Variants in PODXL2 observed in about 807,000 individuals in gnomAD.
PODXL2 encodes podocalyxin like 2, also known as podocalyxin-like protein 2.
Under a neutral mutation model 53.4 loss-of-function variants are expected in PODXL2, and 17 were observed. The ratio of observed to expected loss-of-function variants is 0.32; its 90% CI spans 0.22 to 0.48. The LOEUF (loss-of-function observed/expected upper bound fraction) is 0.48, where lower values mean the gene tolerates loss of function less well. Ranked by LOEUF, PODXL2 falls within the 20% of genes least tolerant of loss-of-function variation. The pLI is 0.99. For missense variants in PODXL2, 673 were observed against 760.0 expected (o/e 0.89, Z 1.35); for synonymous variants, 311 against 306.7 (o/e 1.01, Z -0.15).
chr3:127,671,913 G>C (rs540046637), intron 7 of PODXL2, among the ~76,000 whole-genome samples: 1 of 152,344 alleles, frequency 6.6e-6, no homozygotes, highest in South Asian at 2.1e-4. Flanking sequence ...ACCAGAGGCA[G>C]GCCCTGCGTT....
At chr3:127,662,718 A>G (rs921648684) in intron 4 of PODXL2, among the ~76,000 whole-genome samples, 6 of 152,026 alleles carry the variant, frequency 3.9e-5, no homozygotes, top group African/African-American at 1.5e-4. Flanking sequence ...AGCTCTCTCT[A>G]TCGAAAAAGT....
At chr3:127,649,641 A>C (rs1430786406) in intron 2 of PODXL2, among the ~76,000 whole-genome samples, 1 of 152,254 alleles carries the variant, frequency 6.6e-6, no homozygotes, top group Non-Finnish European at 1.5e-5. Flanking sequence ...GTTGACTATC[A>C]AAAAGTAGTT....
chr3:127,630,647 C>G (rs192826193), intron 1 of PODXL2, among the ~76,000 whole-genome samples: 43 of 152,252 alleles, frequency 2.8e-4, no homozygotes, highest in South Asian at 1.5e-3. Context: ...AAAGTGGTCC[C>G]TCGCACATTC....
chr3:127,656,996 G>A lies in PODXL2; in HGVS notation c.350-3382G>A, dbSNP rs2074729053. 2.0e-5 allele frequency among the ~76,000 whole-genome samples: 3 copies of A among 151,980 alleles called. No individual in the cohort carries two copies. In the South Asian group the frequency reaches 6.2e-4, roughly 32 times the overall value. ...TTTGAGGCTGCAGTGAGCCGTGATT[G>A]CACCACTGCACTCCAGCCTGGGTGA... is the stretch of plus-strand genomic sequence containing the variant. On this transcript the variant is annotated intron_variant, in intron 2 of 7. Transcript: ENST00000342480.
In PODXL2 at chr3:127,639,517, A is replaced by G. The variant is rs764555602; in HGVS notation, c.343A>G (p.Thr115Ala). 23 of 1,611,206 alleles carry G rather than the reference A, an allele frequency of 1.4e-5. No homozygotes were observed. The highest frequency in any genetic ancestry group is 1.3e-5 in the Non-Finnish European group (15 of 1,178,418). ...LNDSSLDLGP[T>A]ADYVFPDLTE... ...TGACTCAAGTCTGGACCTGGGACCC[A>G]CTGCAGGTAGCTCTTCTTACCTACA... Residue 115 changes from threonine to alanine, a missense_variant, in exon 2 of 8, where the codon ACT becomes GCT. Coordinates refer to ENST00000342480, the MANE Select transcript of PODXL2 (RefSeq NM_015720.4).
At chr3:127,636,476 C>A (rs528772543) in intron 1 of PODXL2, among the ~76,000 whole-genome samples, 8 of 152,342 alleles carry the variant, frequency 5.3e-5, no homozygotes, top group African/African-American at 1.9e-4. Context: ...GGGGAGTGGA[C>A]CCCAAATTGA....
chr3:127,638,671 C>T (rs1261634018), intron 1 of PODXL2, among the ~76,000 whole-genome samples: 1 of 152,064 alleles, frequency 6.6e-6, no homozygotes, highest in African/African-American at 2.4e-5. Context: ...GCCAAGATTG[C>T]ACCACTGTAC....
chr3:127,669,272 C>G, intron 6 of PODXL2, 70 bp downstream of exon 6: 2 of 1,084,542 alleles, frequency 1.8e-6, no homozygotes, highest in Admixed American at 2.0e-5. Context: ...CTCAAAGTCC[C>G]AGGAGTCTGC....
chr3:127,635,897 T>C (rs2074575574), intron 1 of PODXL2, among the ~76,000 whole-genome samples: 1 of 152,248 alleles, frequency 6.6e-6, no homozygotes, highest in Non-Finnish European at 1.5e-5. Context: ...TTTATCACCT[T>C]TGCTGGTCTT....
intron 4 of PODXL2, among the ~76,000 whole-genome samples, chr3:127,667,770 C>T (rs1408946894): frequency 6.6e-6 from 1 of 152,220 alleles, no homozygotes; most frequent in Non-Finnish European, 1.5e-5. Flanking sequence ...CTGTTCCAGC[C>T]CAGCTCCAGG....
At chr3:127,668,011 G>C (rs566412997) in intron 4 of PODXL2, among the ~76,000 whole-genome samples, 4 of 152,252 alleles carry the variant, frequency 2.6e-5, no homozygotes, top group African/African-American at 9.6e-5. Flanking sequence ...CCAGCACCAT[G>C]CACTTGAGCA....
chr3:127,661,843 T>G (rs1475772078), intron 3 of PODXL2, among the ~76,000 whole-genome samples: 2 of 151,958 alleles, frequency 1.3e-5, no homozygotes, highest in African/African-American at 4.8e-5. Flanking sequence ...GACACCCATG[T>G]GCATAGCAGG....
At chr3:127,648,606 ACTAT>A (rs1212859457) in intron 2 of PODXL2, among the ~76,000 whole-genome samples, 3 of 151,322 alleles carry the variant, frequency 2.0e-5, no homozygotes, top group Non-Finnish European at 4.4e-5. Flanking sequence ...AACGTTTTGG[ACTAT>A]CTCTTTCTGG....
intron 2 of PODXL2, among the ~76,000 whole-genome samples, chr3:127,642,055 T>G (rs1329057358): frequency 9.3e-5 from 14 of 150,882 alleles, no homozygotes; most frequent in Admixed American, 7.9e-4. Flanking sequence ...ACTTTGGGAG[T>G]TCGAGGTGGG....
chr3:127,665,958 T>C (rs776353081), intron 4 of PODXL2: 2 of 468,456 alleles, frequency 4.3e-6, no homozygotes, highest in Non-Finnish European at 8.6e-6. Context: ...CCAGGTGTGC[T>C]CATGGCTACT....
intron 2 of PODXL2, among the ~76,000 whole-genome samples, chr3:127,643,732 G>A (rs531079946): frequency 6.6e-6 from 1 of 151,682 alleles, no homozygotes; most frequent in East Asian, 2.0e-4. Context: ...TTGACCTCCT[G>A]GGCTCAATCG....
In PODXL2 at chr3:127,672,510, GC is replaced by G; in HGVS notation, c.*32del. The G allele has an allele frequency of 7.2e-7, 1 of 1,385,996 alleles. No homozygotes were observed. The highest frequency in any genetic ancestry group is 9.6e-7 in the Non-Finnish European group (1 of 1,045,618). The allele number at this position is 1,385,996 out of a possible 1,614,324, so 85.9% of individuals were successfully genotyped here. A position where few individuals can be genotyped will look rare whatever the true frequency, so the allele number is the denominator to read the frequency against. On this transcript the variant is annotated 3_prime_UTR_variant, in exon 8 of 8. Coordinates refer to ENST00000342480, the MANE Select transcript of PODXL2 (RefSeq NM_015720.4). ...AGCCGAGGCGCAGGCCGAGTGGGCC[GC>G]CAGGACCAAGCGAGGTGGACCCCGA...
At chr3:127,665,609 A>G (rs1289059306) in intron 4 of PODXL2, among the ~76,000 whole-genome samples, 1 of 152,242 alleles carries the variant, frequency 6.6e-6, no homozygotes, top group Non-Finnish European at 1.5e-5. Flanking sequence ...AGATGCAAGG[A>G]TCTGATCCTT....
chr3:127,632,995 A>G lies in PODXL2; in HGVS notation c.70+3706A>G, dbSNP rs553887039. 2.0e-5 allele frequency among the ~76,000 whole-genome samples: 3 copies of G among 152,376 alleles called. No homozygotes were observed. The South Asian group carries it at 6.2e-4, about 32-fold the overall frequency. ...TGATTCACTTTTCAAAAATTAGAAA[A>G]TAACTATTAAATAAGTACAGTTTAT... On this transcript the variant is annotated intron_variant, in intron 1 of 7. Coordinates refer to ENST00000342480, the MANE Select transcript of PODXL2 (RefSeq NM_015720.4).
Sources: allele counts gnomAD v4.1 joint callset (sites outside exome capture counted in the v4.1 genomes callset), GRCh38; gene constraint gnomAD v4.1.1; transcripts MANE v1.5; gene names NCBI Gene and HGNC (gene_info 2026-07-23, HGNC 2026-07-21).